The following AK9 variants were observed in gnomAD, a reference collection of about 807,000 sequenced individuals.
AK9 encodes adenylate kinase 9, also known as adenylate kinase domain containing 1.
Under a neutral mutation model 239.6 loss-of-function variants are expected in AK9, and 191 were observed. That is an observed-to-expected ratio of 0.80 (90% CI 0.71 to 0.90). AK9 has a LOEUF of 0.90. Ranked by LOEUF, AK9 falls within the 40% of genes least tolerant of loss-of-function variation. The pLI, the probability that AK9 is intolerant of heterozygous loss-of-function variation, is 0.00. For synonymous variants in AK9, 689 were observed against 721.0 expected (o/e 0.96, Z 0.71); for missense variants, 1,995 against 2,214.7 (o/e 0.90, Z 1.99).
intron 10 of AK9, among the ~76,000 whole-genome samples, chr6:109,640,923 T>A (rs1219010710): frequency 2.0e-5 from 3 of 152,094 alleles, no homozygotes; most frequent in Non-Finnish European, 4.4e-5. Context: ...AACTTTTAGG[T>A]CTTCACATTC....
chr6:109,639,827 A>T (rs1025700087), intron 10 of AK9, among the ~76,000 whole-genome samples: 1 of 152,156 alleles, frequency 6.6e-6, no homozygotes, highest in Non-Finnish European at 1.5e-5. Context: ...ATTTTTGTAT[A>T]AGGTGTAAGG....
intron 17 of AK9, among the ~76,000 whole-genome samples, chr6:109,590,130 A>G (rs1790027493): frequency 6.6e-6 from 1 of 152,120 alleles, no homozygotes; most frequent in African/African-American, 2.4e-5. Context: ...GAACAGTTTT[A>G]GTAGAATTGG....
At chr6:109,654,819 A>G (rs1042368862) in intron 8 of AK9, among the ~76,000 whole-genome samples, 1 of 152,218 alleles carries the variant, frequency 6.6e-6, no homozygotes, top group Non-Finnish European at 1.5e-5. Context: ...TGTATACCAG[A>G]AAGTGATGCA....
At chr6:109,651,200 G>T (rs557219079) in intron 8 of AK9, among the ~76,000 whole-genome samples, 2 of 151,964 alleles carry the variant, frequency 1.3e-5, no homozygotes, top group South Asian at 2.1e-4. Flanking sequence ...CCTGCACGTT[G>T]TGCACATGTA....
intron 8 of AK9, among the ~76,000 whole-genome samples, 157 bp from the exon 9 acceptor site, chr6:109,644,845 T>C (rs1378357674): frequency 6.6e-6 from 1 of 152,250 alleles, no homozygotes. Flanking sequence ...AGAGATCTTT[T>C]GCAAAAGCTC....
At chr6:109,592,324 C>T (rs141787950) in intron 17 of AK9, among the ~76,000 whole-genome samples, 2,859 of 152,158 alleles carry the variant, frequency 0.019, 30 homozygotes, top group South Asian at 0.03. Flanking sequence ...GCTGCAATTG[C>T]CACCAGTGAG....
At chr6:109,562,633 T>A (rs767706400) in intron 24 of AK9, among the ~76,000 whole-genome samples, 1 of 152,236 alleles carries the variant, frequency 6.6e-6, no homozygotes, top group Non-Finnish European at 1.5e-5. Context: ...TTGATCCTTT[T>A]GGCTCTTGCT....
intron 20 of AK9, among the ~76,000 whole-genome samples, chr6:109,574,527 A>G (rs1787822161): frequency 6.6e-6 from 1 of 152,188 alleles, no homozygotes. Flanking sequence ...AAGTATTGCT[A>G]ATATTATTGT....
intron 24 of AK9, among the ~76,000 whole-genome samples, chr6:109,559,975 G>T (rs1323232137): frequency 6.6e-6 from 1 of 152,242 alleles, no homozygotes; most frequent in East Asian, 1.9e-4. Context: ...TATCTTCAAA[G>T]CCGGCTTAAA....
At chr6:109,582,491 G>A (rs1473620137) in intron 19 of AK9, among the ~76,000 whole-genome samples, 1 of 152,188 alleles carries the variant, frequency 6.6e-6, no homozygotes, top group East Asian at 1.9e-4. Context: ...AGTAACTGCA[G>A]ATGTAGTGAA....
rs114843307 is a variant in AK9 at position 109,572,461 on chromosome 6, C to T, written c.2344+981G>A. 3.6e-4 allele frequency among the ~76,000 whole-genome samples: 55 copies of T among 152,212 alleles called. 1 individual carries two copies. Among genetic ancestry groups the T allele is most frequent in the African/African-American group, 1.2e-3 (51 of 41,544 alleles). On this transcript the variant is annotated intron_variant, in intron 21 of 40. Coordinates refer to ENST00000424296, the MANE Select transcript of AK9 (RefSeq NM_001145128.3). ...AGACATTGTGTCTGGATGCAGCAGC[C>T]ACCTATGGATCGTGAGGATGGAGTC...
chr6:109,564,046 T>A, intron 23 of AK9, 34 bp downstream of exon 23: 1 of 1,496,886 alleles, frequency 6.7e-7, no homozygotes, highest in Non-Finnish European at 9.0e-7. Context: ...TATCACCTGC[T>A]GTTGATAATA....
rs371990680 is a variant in AK9 at position 109,564,228 on chromosome 6, C to T, written c.2487G>A (p.Glu829=). 2.6e-6 allele frequency: 4 copies of T among 1,551,214 alleles called. No homozygotes were observed. The African/African-American group carries it at 4.1e-5, about 16-fold the overall frequency. Residue 829 remains glutamate, a synonymous_variant, in exon 23 of 41, where the codon GAG becomes GAA. Coordinates refer to ENST00000424296, the MANE Select transcript of AK9 (RefSeq NM_001145128.3). ...EDSYPDVPEM[E]PFKEKIGSFI... is the part of the protein sequence containing the mutation. ...AAGAACCAATCTTCTCTTTAAATGG[C>T]TCCATTTCGGGAACATCAGGATAAG...
In AK9 at chr6:109,610,226, T is replaced by C. The variant is rs960178858; in HGVS notation, c.1842+139A>G. The C allele has an allele frequency of 2.8e-6, 3 of 1,088,568 alleles. No individual in the cohort carries two copies. The African/African-American group carries it at 4.8e-5, about 17-fold the overall frequency. 67.4% of individuals were successfully genotyped at this position (1,088,568 alleles called of 1,614,324 possible). A position where few individuals can be genotyped will look rare whatever the true frequency, so the allele number is the denominator to read the frequency against. On this transcript the variant is annotated intron_variant, in intron 17 of 40. Transcript: ENST00000424296. ...TGGGGTACTTCGCACTTAACAATGC[T>C]GACTACAAAATGTACATGAATTTGA...
At chr6:109,546,514 T>TC (rs1309895842) in intron 25 of AK9, among the ~76,000 whole-genome samples, 4 of 152,232 alleles carry the variant, frequency 2.6e-5, no homozygotes, top group Non-Finnish European at 5.9e-5. Context: ...TACAGCCTTC[T>TC]CCATTTATTA....
chr6:109,539,086 G>C (rs1782472355), intron 27 of AK9, among the ~76,000 whole-genome samples: 1 of 152,190 alleles, frequency 6.6e-6, no homozygotes, highest in Non-Finnish European at 1.5e-5. Flanking sequence ...ATGTGTCTTG[G>C]AGTTGCTCTT....
rs13211730 is a variant in AK9 at position 109,580,908 on chromosome 6, T to G, written c.2115-1282A>C. 5.1e-5 allele frequency among the ~76,000 whole-genome samples: 5 copies of G among 97,240 alleles called. No individual in the cohort carries two copies. The South Asian group carries it at 2.4e-3, about 46-fold the overall frequency. 63.8% of individuals were successfully genotyped at this position (97,240 alleles called of 152,430 possible). ...TTGCGCTTTACAGATATCGTGGTTT[T>G]TTTTTGTGTTTTTTTGTTTTGTTTT... On this transcript the variant is annotated intron_variant, in intron 19 of 40. Coordinates refer to ENST00000424296, the MANE Select transcript of AK9 (RefSeq NM_001145128.3).
chr6:109,585,064 G>T (rs1157278904), intron 19 of AK9, 59 bp downstream of exon 19: 7 of 933,748 alleles, frequency 7.5e-6, no homozygotes, highest in African/African-American at 7.0e-5. Flanking sequence ...ATTGCAAGAA[G>T]ATATTTAACT....
chr6:109,580,745 G>C (rs527361391), intron 19 of AK9, among the ~76,000 whole-genome samples: 1 of 152,086 alleles, frequency 6.6e-6, no homozygotes, highest in African/African-American at 2.4e-5. Context: ...AAGTCTTGGC[G>C]TAATTCAAGT....
Sources: gnomAD v4.1 joint callset for allele counts (sites outside exome capture counted in the v4.1 genomes callset) on GRCh38, gnomAD v4.1.1 for gene constraint, MANE v1.5 for transcripts, NCBI Gene and HGNC (gene_info 2026-07-23, HGNC 2026-07-21) for gene names.